The following SERAC1 variants were observed in gnomAD, a reference collection of about 807,000 sequenced individuals.
The protein encoded by SERAC1 is serine active site containing 1, also known as protein SERAC1.
In SERAC1, 36 loss-of-function variants were observed where a neutral mutation model predicts 85.7. The observed-to-expected ratio is 0.42, with a 90% confidence interval of 0.32 to 0.55. The LOEUF is 0.55. Ranked by LOEUF, SERAC1 falls within the 20% of genes least tolerant of loss-of-function variation. The pLI is 0.11. For missense variants in SERAC1, 629 were observed against 796.2 expected, an observed-to-expected ratio of 0.79 and a Z score of 2.53; for synonymous variants, 242 against 265.3, an observed-to-expected ratio of 0.91 and a Z score of 0.85.
chr6:158,143,361 A>C lies in SERAC1; in HGVS notation c.610-177T>G, dbSNP rs1338014354. 0.02 allele frequency among the ~76,000 whole-genome samples: 826 copies of C among 41,886 alleles called. 3 individuals are homozygous for C. The highest frequency in any genetic ancestry group is 0.031 in the East Asian group (15 of 480). The allele number at this position is 41,886 out of a possible 152,430, so 27.5% of individuals were successfully genotyped here. Reference sequence around the variant, plus strand: ...TCTCTCTCTCTCTATATATATATATATATATATATATATACACACACACAT... The same window carrying C: ...TCTCTCTCTCTCTATATATATATATCTATATATATATATACACACACACAT... On this transcript the variant is annotated intron_variant, in intron 7 of 16. Transcript: ENST00000647468.
At chr6:158,165,759 A>C (rs1301429889) in intron 1 of SERAC1, among the ~76,000 whole-genome samples, 2 of 152,174 alleles carry the variant, frequency 1.3e-5, no homozygotes, top group African/African-American at 4.8e-5. Context: ...CTCTACATCT[A>C]AACCACGCAG....
rs1250878406 is a variant in SERAC1, at chr6:158,117,865, C to T, written c.1309-44G>A. The T allele has an allele frequency of 6.8e-7, 1 of 1,465,768 alleles. No individual in the cohort carries two copies. Among genetic ancestry groups the T allele is most frequent in the Non-Finnish European group, 9.5e-7 (1 of 1,050,216 alleles). The allele number at this position is 1,465,768 out of a possible 1,614,324, so 90.8% of individuals were successfully genotyped here. On this transcript the variant is annotated intron_variant, in intron 12 of 16. Coordinates refer to ENST00000647468, the MANE Select transcript of SERAC1 (RefSeq NM_032861.4). The surrounding 1 kb of genome is among the most constrained non-coding windows in gnomAD (Gnocchi z 4.3). ...ATGTGAGAACAAGTATGAATCTTCACCACTGCAATTACTGCCTAGTAAATC... is the reference window on the plus strand; with the variant it reads ...ATGTGAGAACAAGTATGAATCTTCATCACTGCAATTACTGCCTAGTAAATC...
chr6:158,151,613 G>C (rs996413941), intron 3 of SERAC1, among the ~76,000 whole-genome samples: 2 of 152,050 alleles, frequency 1.3e-5, no homozygotes, highest in Non-Finnish European at 2.9e-5. Flanking sequence ...TTTTAGTAGA[G>C]ATGGGGTTTC....
chr6:158,125,051 A>T (rs1784509752), intron 10 of SERAC1, among the ~76,000 whole-genome samples: 1 of 152,184 alleles, frequency 6.6e-6, no homozygotes, highest in Non-Finnish European at 1.5e-5. Flanking sequence ...ATATTCTTTA[A>T]ATGTCACACG....
intron 8 of SERAC1, among the ~76,000 whole-genome samples, chr6:158,142,359 C>T (rs946395489): frequency 4.6e-4 from 70 of 152,028 alleles, no homozygotes; most frequent in Admixed American, 2.2e-3. Flanking sequence ...AGACGGGGGT[C>T]GCACTGTGTT....
chr6:158,131,262 A>G (rs1784665361), intron 8 of SERAC1, among the ~76,000 whole-genome samples: 2 of 148,760 alleles, frequency 1.3e-5, no homozygotes, highest in Admixed American at 6.7e-5. Flanking sequence ...GAAAATAAAT[A>G]CAATGCCTCT....
chr6:158,113,762 A>C (rs997537630), intron 15 of SERAC1, among the ~76,000 whole-genome samples, 170 bp from the exon 16 acceptor site: 8 of 152,152 alleles, frequency 5.3e-5, no homozygotes, highest in African/African-American at 1.9e-4. Context: ...TTCAAGGAAA[A>C]AGCTAAAACC....
chr6:158,158,218 C>T, intron 2 of SERAC1, 55 bp downstream of exon 2: 1 of 1,340,612 alleles, frequency 7.5e-7, no homozygotes, highest in South Asian at 1.3e-5. Context: ...TAGAAATGGC[C>T]ACAATTCTAT....
chr6:158,159,243 A>C (rs1785426754), intron 1 of SERAC1: 1 of 152,048 alleles, frequency 6.6e-6, no homozygotes, highest in African/African-American at 2.4e-5. Context: ...ACTAGAAATT[A>C]TTATAATCCC....
rs757824657 is a variant in SERAC1, at chr6:158,148,825, A to G, written c.355+40T>C. 14 of 1,366,140 alleles carry G rather than the reference A, an allele frequency of 1.0e-5. 2 individuals are homozygous for G. In the South Asian group the frequency reaches 1.8e-4, roughly 17 times the overall value. 84.6% of individuals were successfully genotyped at this position (1,366,140 alleles called of 1,614,324 possible). A position where few individuals can be genotyped will look rare whatever the true frequency, so the allele number is the denominator to read the frequency against. ...GGTTGATCATTCCAATGACTTTCAG[A>G]TTACTGATAAGGATTCCAAGTCATA... On this transcript the variant is annotated intron_variant, in intron 5 of 16. Transcript: ENST00000647468.
intron 16 of SERAC1, chr6:158,112,369 T>C (rs2128409657): frequency 6.6e-6 from 1 of 152,358 alleles, no homozygotes. Flanking sequence ...GCTATGATTA[T>C]ACCACTGAAC....
intron 8 of SERAC1, among the ~76,000 whole-genome samples, chr6:158,136,746 G>A (rs182557911): frequency 1.3e-5 from 2 of 152,330 alleles, no homozygotes; most frequent in Admixed American, 1.3e-4. Flanking sequence ...AAACTGGGCA[G>A]ACAGATCACT....
At chr6:158,147,768 CAAAAAAAA>C (rs71027383) in intron 5 of SERAC1, among the ~76,000 whole-genome samples, 3 of 68,940 alleles carry the variant, frequency 4.4e-5, no homozygotes, top group East Asian at 8.1e-4. Context: ...GGCTCTGTCT[CAAAAAAAA>C]AAAAAAAAAA....
At chr6:158,111,534 G>A (rs1426315997) in intron 16 of SERAC1, 32 bp from the exon 17 acceptor site, 4 of 1,533,182 alleles carry the variant, frequency 2.6e-6, no homozygotes, top group African/African-American at 2.8e-5. Context: ...ATAAACCTAA[G>A]TAAAAATATA....
chr6:158,159,100 C>T (rs1785423914), intron 1 of SERAC1: 1 of 151,194 alleles, frequency 6.6e-6, no homozygotes, highest in South Asian at 2.1e-4. Flanking sequence ...GTACCTCTCT[C>T]TTTTGTTTTG....
At position 158,114,804 on chromosome 6, in the gene SERAC1, T is replaced by C. The variant is rs758075579; in HGVS notation, c.1669A>G (p.Lys557Glu). Residue 557 changes from lysine to glutamate, a missense_variant, in exon 15 of 17, where the codon AAA (lysine) becomes GAA (glutamate). Physicochemically the swap from Lys to Glu is moderately conservative, Grantham distance 56. Coordinates refer to ENST00000647468, the MANE Select transcript of SERAC1 (RefSeq NM_032861.4). ...RYLLFPSLEV[K>E]ELSKDSPALK... ...AAAGTATTACCCTTGCTGAGTTCTT[T>C]GACTTCCAACGAGGGGAAGAGAAGA... 4 of 1,609,808 alleles carry C rather than the reference T, an allele frequency of 2.5e-6. No homozygotes were observed. The East Asian group carries it at 8.9e-5, about 36-fold the overall frequency.
Position 158,120,390 on chromosome 6 carries a change from AAAGG to A in SERAC1, c.1166+31_1166+34del, listed in dbSNP as rs1243162576. 5.7e-6 allele frequency: 9 copies of A among 1,580,548 alleles called. No homozygotes were observed. In the African/African-American group the frequency reaches 8.1e-5, roughly 14 times the overall value. On this transcript the variant is annotated intron_variant, in intron 11 of 16. Coordinates refer to ENST00000647468, the MANE Select transcript of SERAC1 (RefSeq NM_032861.4). The surrounding 1 kb of genome is among the most constrained non-coding windows in gnomAD (Gnocchi z 4.4). The stretch of plus-strand genomic sequence containing the variant: ...TGAGGCCTCTAGGCTTCACATTTCC[AAAGG>A]GGACAAAGCAACTCTCTTCTGCTTC...
Position 158,121,159 on chromosome 6 carries a change from CTT to C in SERAC1, c.1016-586_1016-585del, listed in dbSNP as rs1053511119. Among the ~76,000 whole-genome samples, 15 of 151,862 alleles carry C rather than the reference CTT, an allele frequency of 9.9e-5. No homozygotes were observed. In the South Asian group the frequency reaches 1.2e-3, roughly 13 times the overall value. On this transcript the variant is annotated intron_variant, in intron 10 of 16. Transcript: ENST00000647468. ...TTTTTTAATGTTTTTGTTTTTAAAACTTTATATACATAAATATAAAAGTACAT... is the reference window on the plus strand; with the variant it reads ...TTTTTTAATGTTTTTGTTTTTAAAACTATATACATAAATATAAAAGTACAT...
chr6:158,109,812 G>A lies in SERAC1; in HGVS notation c.*1554C>T, dbSNP rs1784100774. On this transcript the variant is annotated 3_prime_UTR_variant, in exon 17 of 17. Coordinates refer to ENST00000647468, the MANE Select transcript of SERAC1 (RefSeq NM_032861.4). ...CATATCATACAATGGAGTAATTTCG[G>A]CCATAAAAAGAAATGAAGTAGTACT... 4 of 152,138 alleles carry A rather than the reference G, an allele frequency of 2.6e-5. No homozygotes were observed. The highest frequency in any genetic ancestry group is 5.9e-5 in the Non-Finnish European group (4 of 68,028). 9.4% of individuals were successfully genotyped at this position (152,138 alleles called of 1,614,324 possible).
Sources: gnomAD v4.1 joint callset for allele counts (sites outside exome capture counted in the v4.1 genomes callset) on GRCh38, gnomAD v4.1.1 for gene constraint, Gnocchi (gnomAD v3.1) non-coding constraint, MANE v1.5 for transcripts, NCBI Gene and HGNC (gene_info 2026-07-23, HGNC 2026-07-21) for gene names.